LRRC7: variants seen among roughly 807,000 people sequenced by gnomAD.
LRRC7 encodes the protein leucine-rich repeat-containing protein 7.
LRRC7 carries 23 observed loss-of-function variants against 175.7 expected under a neutral mutation model. That is an observed-to-expected ratio of 0.13 (90% CI 0.09 to 0.19). The LOEUF (loss-of-function observed/expected upper bound fraction) is 0.19, where lower values mean the gene tolerates loss of function less well. Among genes scored for constraint, LRRC7 ranks in the 10% least tolerant of loss-of-function variants. LRRC7 has a pLI of 1.00. For synonymous variants in LRRC7, 685 were observed against 680.9 expected, an observed-to-expected ratio of 1.01 and a Z score of -0.09; for missense variants, 1,354 against 1,904.7, an observed-to-expected ratio of 0.71 and a Z score of 5.38.
chr1:69,999,068 G>A (rs1655280453), intron 11 of LRRC7, among the ~76,000 whole-genome samples: 1 of 152,218 alleles, frequency 6.6e-6, no homozygotes, highest in Non-Finnish European at 1.5e-5. Flanking sequence ...GCCTGGCTCT[G>A]TACACACAGC....
At chr1:69,595,245 C>A (rs1328730561) in intron 1 of LRRC7, among the ~76,000 whole-genome samples, 9 of 151,990 alleles carry the variant, frequency 5.9e-5, no homozygotes, top group Admixed American at 5.9e-4. Flanking sequence ...CATGGTGAAA[C>A]CCTGTCTCTA....
intron 5 of LRRC7, among the ~76,000 whole-genome samples, chr1:69,826,201 G>A (rs545663771): frequency 6.6e-6 from 1 of 152,214 alleles, no homozygotes; most frequent in South Asian, 2.1e-4. Context: ...TTAAGGTATT[G>A]ACAAGTGCAT....
intron 7 of LRRC7, among the ~76,000 whole-genome samples, chr1:69,897,317 T>A (rs1379956299): frequency 1.3e-5 from 2 of 152,224 alleles, no homozygotes; most frequent in Admixed American, 1.3e-4. Context: ...CCTTTAGAAC[T>A]TCAATAAAAT....
At chr1:69,916,208 A>ATATTATATAT (rs1646706828) in intron 7 of LRRC7, among the ~76,000 whole-genome samples, 1 of 6,150 alleles carries the variant, frequency 1.6e-4, no homozygotes, top group African/African-American at 3.9e-4. Context: ...ATATAAAAAT[A>ATATTATATAT]AAATTTTATT....
chr1:70,089,641 TG>T (rs2102167083), intron 24 of LRRC7, 85 bp from the exon 25 acceptor site: 2 of 896,188 alleles, frequency 2.2e-6, no homozygotes, highest in Non-Finnish European at 3.4e-6. Flanking sequence ...AAGTGAAATG[TG>T]AATCTTTTCT....
chr1:69,916,643 G>A (rs926464584), intron 7 of LRRC7, among the ~76,000 whole-genome samples: 8 of 151,994 alleles, frequency 5.3e-5, no homozygotes, highest in African/African-American at 1.7e-4. Flanking sequence ...TAGAAATTGC[G>A]TGGTTTCTCT....
intron 8 of LRRC7, among the ~76,000 whole-genome samples, chr1:69,962,812 G>A (rs188491913): frequency 2.6e-5 from 4 of 152,134 alleles, no homozygotes; most frequent in Admixed American, 2.0e-4. Flanking sequence ...AACACCCACT[G>A]GGGCCTACTG....
chr1:69,975,265 A>G (rs1044993688), intron 8 of LRRC7, among the ~76,000 whole-genome samples: 1 of 152,176 alleles, frequency 6.6e-6, no homozygotes, highest in African/African-American at 2.4e-5. Flanking sequence ...AAATCATGAA[A>G]GGCCTTATGT....
intron 4 of LRRC7, among the ~76,000 whole-genome samples, chr1:69,823,583 T>C (rs564891794): frequency 6.6e-6 from 1 of 152,268 alleles, no homozygotes; most frequent in Non-Finnish European, 1.5e-5. Flanking sequence ...ATTAATAATG[T>C]ATATATTCAC....
intron 11 of LRRC7, among the ~76,000 whole-genome samples, chr1:70,008,339 C>T (rs1412079116): frequency 6.6e-6 from 1 of 152,236 alleles, no homozygotes; most frequent in African/African-American, 2.4e-5. Context: ...GCAACACCTA[C>T]ACAGACACAC....
Position 69,916,725 on chromosome 1 carries a change from A to G in LRRC7, c.648-14782A>G, listed in dbSNP as rs76534692. On this transcript the variant is annotated intron_variant, in intron 7 of 26. Coordinates refer to ENST00000651989, the MANE Select transcript of LRRC7 (RefSeq NM_001370785.2). ...CATTCATGCCTGTGTAAATGTCTTC[A>G]TTTAACCGTCACTGGTTGAGAAGCT... Among the ~76,000 whole-genome samples, 148 of 152,264 alleles carry G rather than the reference A, an allele frequency of 9.7e-4. 2 individuals carry two copies. In the East Asian group the frequency reaches 0.027, roughly 28 times the overall value.
At chr1:69,855,955 CT>C (rs1389966535) in intron 7 of LRRC7, among the ~76,000 whole-genome samples, 2 of 152,086 alleles carry the variant, frequency 1.3e-5, no homozygotes, top group East Asian at 1.9e-4. Flanking sequence ...CAACCCCTGC[CT>C]TTTTTTGTTT....
intron 7 of LRRC7, among the ~76,000 whole-genome samples, chr1:69,852,742 T>C (rs150277248): frequency 6.6e-6 from 1 of 152,324 alleles, no homozygotes; most frequent in African/African-American, 2.4e-5. Context: ...ATATCAACTT[T>C]GGGTATATTC....
At position 69,792,087 on chromosome 1, in the gene LRRC7, T is replaced by A; in HGVS notation, c.348T>A (p.Asp116Glu). ...CTCTACGAAAACTAAGTATTCCTGA[T>A]AACGACCTTTCAAATCTGCCAACCA... ...CQALRKLSIP[D>E]NDLSNLPTTI... Residue 116 changes from aspartate to glutamate, a missense_variant, in exon 4 of 27, where the codon GAT (aspartate) becomes GAA (glutamate). Asp to Glu is a conservative substitution (Grantham distance 45, BLOSUM62 2). Transcript: ENST00000651989. 1 of 1,611,358 alleles carries A rather than the reference T, an allele frequency of 6.2e-7. No homozygotes were observed. Among genetic ancestry groups the A allele is most frequent in the Non-Finnish European group, 8.5e-7 (1 of 1,177,978 alleles).
At chr1:69,718,892 C>T (rs1483200307) in intron 2 of LRRC7, among the ~76,000 whole-genome samples, 2 of 151,820 alleles carry the variant, frequency 1.3e-5, no homozygotes, top group African/African-American at 4.8e-5. Context: ...TTGGGAGCCC[C>T]AACAGAGCTA....
chr1:69,821,303 A>T (rs192373576), intron 4 of LRRC7, among the ~76,000 whole-genome samples: 2 of 152,092 alleles, frequency 1.3e-5, no homozygotes, highest in East Asian at 3.9e-4. Context: ...CTCTGACTGG[A>T]TAATCTTAAA....
At chr1:69,607,239 T>C (rs1009637586) in intron 1 of LRRC7, 1 of 152,138 alleles carries the variant, frequency 6.6e-6, no homozygotes, top group Non-Finnish European at 1.5e-5. Flanking sequence ...AGTGTACTTG[T>C]TTATGTTTTT....
chr1:69,857,793 A>G (rs184360250), intron 7 of LRRC7, among the ~76,000 whole-genome samples: 194 of 152,264 alleles, frequency 1.3e-3, no homozygotes, highest in African/African-American at 4.4e-3. Context: ...AAAAGAGCCC[A>G]CATTGCCAAG....
At chr1:70,059,197 C>G (rs1661385393) in intron 23 of LRRC7, among the ~76,000 whole-genome samples, 1 of 152,150 alleles carries the variant, frequency 6.6e-6, no homozygotes, top group South Asian at 2.1e-4. Flanking sequence ...AGTGTCTGTT[C>G]CCTCCCTGAG....
Sources: allele counts gnomAD v4.1 joint callset (sites outside exome capture counted in the v4.1 genomes callset), GRCh38; gene constraint gnomAD v4.1.1; transcripts MANE v1.5; gene names NCBI Gene and HGNC (gene_info 2026-07-23, HGNC 2026-07-21).